NBEA: variants seen among roughly 807,000 people sequenced by gnomAD.
The protein encoded by NBEA is lysosomal-trafficking regulator 2.
A neutral mutation model predicts 343.4 loss-of-function variants in NBEA; 44 were observed. The observed-to-expected ratio is 0.13, with a 90% CI of 0.10 to 0.16. NBEA has a LOEUF of 0.16. Ranked by LOEUF, NBEA falls within the 10% of genes least tolerant of loss-of-function variation. The probability of loss-of-function intolerance (pLI) is 1.00; values close to 1 mark genes in which losing one functional copy is unlikely to be tolerated. For synonymous variants in NBEA, 1,175 were observed against 1,238.7 expected (o/e 0.95, Z 1.08); for missense variants, 2,555 against 3,631.3 (o/e 0.70, Z 7.62).
rs9574078 is a variant in NBEA, at chr13:35,518,832, G to T, written c.6586-31645G>T. On this transcript the variant is annotated intron_variant, in intron 41 of 58. Coordinates refer to ENST00000379939, the MANE Select transcript of NBEA (RefSeq NM_001385012.1). ...ACCGAGCTTTGATTTGGGGCGGTGTGGGGGGAAGGTTGCAGGATACCTCAT... is the reference window on the plus strand; with the variant it reads ...ACCGAGCTTTGATTTGGGGCGGTGTTGGGGGAAGGTTGCAGGATACCTCAT... Among the ~76,000 whole-genome samples the T allele has an allele frequency of 1.1e-3, 173 of 152,012 alleles. 1 individual carries two copies. Among genetic ancestry groups the T allele is most frequent in the Non-Finnish European group, 2.0e-3 (138 of 68,004 alleles).
At chr13:35,276,332 T>G (rs529161778) in intron 34 of NBEA, among the ~76,000 whole-genome samples, 2 of 152,148 alleles carry the variant, frequency 1.3e-5, no homozygotes, top group Non-Finnish European at 2.9e-5. Flanking sequence ...AGAATTACCC[T>G]CAGGCATCTG....
chr13:35,196,269 C>G lies in NBEA; in HGVS notation c.5333C>G (p.Ala1778Gly), dbSNP rs199565640. 65 of 1,613,208 alleles carry G rather than the reference C, an allele frequency of 4.0e-5. No homozygotes were observed. Among genetic ancestry groups the G allele is most frequent in the Non-Finnish European group, 5.1e-5 (60 of 1,179,564 alleles). The change falls in exon 31 of 59, where the codon GCT (alanine) becomes GGT (glycine). Residue 1778 changes from alanine to glycine, a missense_variant. Physicochemically the swap from Ala to Gly is moderately conservative, Grantham distance 60. Coordinates refer to ENST00000379939, the MANE Select transcript of NBEA (RefSeq NM_001385012.1). ...CCAGCATTGAAGAGAGAAACACAAG[C>G]TATTCTTCCTATGCAGTTTCATTCC... ...PDPALKRETQAILPMQFHSFD... is the reference protein window; with the variant it reads ...PDPALKRETQGILPMQFHSFD...
chr13:35,382,040 A>G (rs1157229194), intron 38 of NBEA, among the ~76,000 whole-genome samples: 2 of 152,154 alleles, frequency 1.3e-5, no homozygotes, highest in East Asian at 3.9e-4. Context: ...TATGATACTA[A>G]ATGTTATAAT....
At chr13:35,520,148 A>G (rs527949001) in intron 41 of NBEA, among the ~76,000 whole-genome samples, 90 of 152,238 alleles carry the variant, frequency 5.9e-4, no homozygotes, top group Non-Finnish European at 8.5e-4. Flanking sequence ...GCAGTTCACA[A>G]CAGGGTTTGC....
intron 49 of NBEA, among the ~76,000 whole-genome samples, chr13:35,643,865 A>G (rs920901373): frequency 6.6e-6 from 1 of 152,188 alleles, no homozygotes; most frequent in Non-Finnish European, 1.5e-5. Flanking sequence ...CAACCCTCCC[A>G]TTCACAGGAC....
chr13:35,427,184 G>A (rs879161271), intron 38 of NBEA, among the ~76,000 whole-genome samples: 7 of 152,128 alleles, frequency 4.6e-5, no homozygotes, highest in Admixed American at 2.6e-4. Flanking sequence ...GAGGAGCTGC[G>A]TTCCTTTGGA....
At chr13:35,242,000 G>C (rs570453355) in intron 34 of NBEA, among the ~76,000 whole-genome samples, 2 of 151,808 alleles carry the variant, frequency 1.3e-5, no homozygotes, top group Admixed American at 6.6e-5. Context: ...AACAAAAATA[G>C]TACAACGCAC....
chr13:35,032,783 A>T (rs375066335), intron 1 of NBEA, among the ~76,000 whole-genome samples: 33 of 151,640 alleles, frequency 2.2e-4, no homozygotes, highest in African/African-American at 7.2e-4. Context: ...TCATATGCCC[A>T]TTTGCCATTT....
chr13:35,002,125 A>G (rs1350423478), intron 1 of NBEA, among the ~76,000 whole-genome samples: 1 of 152,116 alleles, frequency 6.6e-6, no homozygotes. Flanking sequence ...ACCTCCAAAA[A>G]AGGTACCCTC....
chr13:35,285,421 A>G (rs1447301692), intron 34 of NBEA, among the ~76,000 whole-genome samples: 1 of 152,200 alleles, frequency 6.6e-6, no homozygotes, highest in Non-Finnish European at 1.5e-5. Flanking sequence ...TTGTCAGTAT[A>G]GTCATGTCTA....
intron 34 of NBEA, among the ~76,000 whole-genome samples, chr13:35,287,088 C>T (rs1239520169): frequency 6.6e-6 from 1 of 151,990 alleles, no homozygotes; most frequent in Non-Finnish European, 1.5e-5. Context: ...TAGAATATCT[C>T]CCAAATATAC....
intron 1 of NBEA, among the ~76,000 whole-genome samples, chr13:34,979,713 T>A (rs1002762472): frequency 1.3e-5 from 2 of 152,210 alleles, no homozygotes; most frequent in African/African-American, 4.8e-5. Context: ...CAGGAGCACT[T>A]TTAAATATTG....
At chr13:35,114,446 C>T (rs918747170) in intron 13 of NBEA, among the ~76,000 whole-genome samples, 13 of 152,246 alleles carry the variant, frequency 8.5e-5, no homozygotes, top group African/African-American at 3.1e-4. Flanking sequence ...TTTAACATTG[C>T]TAGTCATCTG....
chr13:35,341,024 T>C (rs1285337174), intron 36 of NBEA, among the ~76,000 whole-genome samples: 2 of 152,096 alleles, frequency 1.3e-5, no homozygotes, highest in Non-Finnish European at 2.9e-5. Context: ...AACAGTGTGG[T>C]GCTAGTTAAA....
chr13:35,095,983 C>G (rs1298115614), intron 10 of NBEA, among the ~76,000 whole-genome samples: 1 of 151,648 alleles, frequency 6.6e-6, no homozygotes, highest in Non-Finnish European at 1.5e-5. Flanking sequence ...TTTATATTTG[C>G]CTTTGTATCT....
intron 30 of NBEA, among the ~76,000 whole-genome samples, chr13:35,188,821 A>G (rs2071933797): frequency 1.3e-5 from 2 of 151,632 alleles, no homozygotes; most frequent in South Asian, 4.2e-4. Flanking sequence ...TTTCCATAAT[A>G]GCTGTCCTAA....
intron 2 of NBEA, 72 bp downstream of exon 2, chr13:35,041,236 A>G (rs1277941117): frequency 1.8e-5 from 21 of 1,181,696 alleles, no homozygotes; most frequent in South Asian, 2.9e-5. Flanking sequence ...TTTATATTCT[A>G]TAGGTAATGT....
intron 38 of NBEA, among the ~76,000 whole-genome samples, chr13:35,400,646 C>T (rs983257110): frequency 6.6e-6 from 1 of 152,008 alleles, no homozygotes; most frequent in Non-Finnish European, 1.5e-5. Context: ...TCAACCCTCC[C>T]TCCCCTTACT....
At chr13:35,033,401 AC>A in intron 1 of NBEA, among the ~76,000 whole-genome samples, 1 of 152,112 alleles carries the variant, frequency 6.6e-6, no homozygotes, top group South Asian at 2.1e-4. Context: ...TGTTTTGGTT[AC>A]TATAGCTCTG....
Sources: gnomAD v4.1 joint callset for allele counts (sites outside exome capture counted in the v4.1 genomes callset) on GRCh38, gnomAD v4.1.1 for gene constraint, MANE v1.5 for transcripts, NCBI Gene and HGNC (gene_info 2026-07-23, HGNC 2026-07-21) for gene names.